Variants in GRM7 observed in about 807,000 individuals in gnomAD.
GRM7 encodes the protein metabotropic glutamate receptor 7.
GRM7 carries 35 observed loss-of-function variants against 84.5 expected under a neutral mutation model. The observed-to-expected ratio is 0.41, with a 90% confidence interval of 0.32 to 0.55. GRM7 has a LOEUF of 0.55. Ranked by LOEUF, GRM7 falls within the 20% of genes least tolerant of loss-of-function variation. The pLI is 0.19. For synonymous variants in GRM7, 487 were observed against 455.1 expected (o/e 1.07, Z -0.89); for missense variants, 1,003 against 1,194.6 (o/e 0.84, Z 2.36).
intron 1 of GRM7, among the ~76,000 whole-genome samples, chr3:7,082,819 T>C (rs530619530): frequency 6.6e-6 from 1 of 152,118 alleles, no homozygotes; most frequent in Admixed American, 6.6e-5. Context: ...AAAAGTGAAC[T>C]GCAGATGTGG....
At chr3:7,450,468 C>T (rs1019491390) in intron 5 of GRM7, among the ~76,000 whole-genome samples, 1 of 152,134 alleles carries the variant, frequency 6.6e-6, no homozygotes, top group Non-Finnish European at 1.5e-5. Flanking sequence ...ACATGAAAAA[C>T]ACATACAGGC....
rs182754366 is a variant in GRM7 at position 7,705,114 on chromosome 3, T to G, written c.2698+24819T>G. On this transcript the variant is annotated intron_variant, in intron 9 of 9. Coordinates refer to ENST00000357716, the MANE Select transcript of GRM7 (RefSeq NM_000844.4). ...TAGAGTATCTCATATACTCTACACA[T>G]TTCTGAAGCCCTGAAGCCCAAAATA... Among the ~76,000 whole-genome samples the G allele has an allele frequency of 3.1e-3, 478 of 152,102 alleles. 7 individuals carry two copies. The highest frequency in any genetic ancestry group is 0.02 in the Middle Eastern group (6 of 294).
chr3:7,516,331 G>A (rs1700380962), intron 7 of GRM7, among the ~76,000 whole-genome samples: 1 of 150,694 alleles, frequency 6.6e-6, no homozygotes, highest in African/African-American at 2.4e-5. Flanking sequence ...CAAAAAATTA[G>A]CCAGGCGTGG....
At position 6,941,663 on chromosome 3, in the gene GRM7, G is replaced by A. The variant is rs962414455; in HGVS notation, c.519+79756G>A. On this transcript the variant is annotated intron_variant, in intron 1 of 9. Coordinates refer to ENST00000357716, the MANE Select transcript of GRM7 (RefSeq NM_000844.4). ...AGTCAAATGGAAATTATTTGGTTTC[G>A]AGTGGTCTTGATGTAGAAATAATAG... Among the ~76,000 whole-genome samples the A allele has an allele frequency of 3.9e-5, 6 of 152,292 alleles. No homozygotes were observed. The South Asian group carries it at 6.2e-4, about 16-fold the overall frequency.
intron 9 of GRM7, among the ~76,000 whole-genome samples, chr3:7,739,492 A>C (rs2106533072): frequency 6.6e-6 from 1 of 152,336 alleles, no homozygotes. Flanking sequence ...ACCAAGATTT[A>C]GTGAATAAAG....
chr3:6,861,611 G>T lies in GRM7; in HGVS notation c.223G>T (p.Gly75Trp). 6.2e-7 allele frequency: 1 copy of T among 1,612,558 alleles called. No individual in the cohort carries two copies. The highest frequency in any genetic ancestry group is 8.5e-7 in the Non-Finnish European group (1 of 1,179,330). Residue 75 changes from glycine (G) to tryptophan (W), a missense_variant, in exon 1 of 10, where the codon GGG becomes TGG. Around this residue, in one of 2 missense-constraint regions of GRM7, gnomAD observed 910 missense variants for 1,126.0 expected, o/e 0.81. Transcript: ENST00000357716. This position sits in a 1 kb window ranked among gnomAD's most constrained non-coding sequence, Gnocchi z 6.4. ...VPCGDIKREN[G>W]IHRLEAMLYA... ...CTGCGGCGACATCAAGAGGGAAAACGGGATCCACAGGCTGGAAGCGATGCT... is the reference window on the plus strand; with the variant it reads ...CTGCGGCGACATCAAGAGGGAAAACTGGATCCACAGGCTGGAAGCGATGCT...
intron 7 of GRM7, among the ~76,000 whole-genome samples, chr3:7,487,307 C>G (rs1410360354): frequency 6.6e-6 from 1 of 152,052 alleles, no homozygotes; most frequent in Admixed American, 6.6e-5. Context: ...CAGACTTAAC[C>G]ATGTAAATAG....
At chr3:7,268,260 G>A (rs201359083) in intron 2 of GRM7, among the ~76,000 whole-genome samples, 2 of 151,502 alleles carry the variant, frequency 1.3e-5, no homozygotes, top group South Asian at 2.1e-4. Context: ...CCAGCACTTC[G>A]GTGGGCCAAG....
chr3:7,160,143 C>G (rs536263540), intron 2 of GRM7, among the ~76,000 whole-genome samples: 1 of 152,062 alleles, frequency 6.6e-6, no homozygotes, highest in Admixed American at 6.6e-5. Flanking sequence ...TTTGGCTGCC[C>G]CATCTCTATG....
intron 1 of GRM7, among the ~76,000 whole-genome samples, chr3:7,011,222 C>A (rs537928919): frequency 2.0e-5 from 3 of 152,034 alleles, no homozygotes; most frequent in Non-Finnish European, 4.4e-5. Flanking sequence ...CAGAATGGTA[C>A]CTGGCACATA....
rs538603455 is a variant in GRM7, at chr3:7,341,402, T to C, written c.1033+34750T>C. Among the ~76,000 whole-genome samples, 10 of 152,124 alleles carry C rather than the reference T, an allele frequency of 6.6e-5. No individual in the cohort carries two copies. The South Asian group carries it at 1.5e-3, about 22-fold the overall frequency. Reference sequence around the variant, plus strand: ...TTTTTTTGTTTATTTAGCAAACATTTATTCAATGTTTGTTGAATAAATGTT... The same window carrying C: ...TTTTTTTGTTTATTTAGCAAACATTCATTCAATGTTTGTTGAATAAATGTT... On this transcript the variant is annotated intron_variant, in intron 4 of 9. Coordinates refer to ENST00000357716, the MANE Select transcript of GRM7 (RefSeq NM_000844.4).
intron 2 of GRM7, among the ~76,000 whole-genome samples, chr3:7,265,538 G>T (rs1433612807): frequency 6.6e-6 from 1 of 152,170 alleles, no homozygotes; most frequent in Admixed American, 6.5e-5. Flanking sequence ...TCATCCAGAG[G>T]TGTTTGGTCC....
chr3:7,669,787 G>A (rs1404241375), intron 8 of GRM7, among the ~76,000 whole-genome samples: 3 of 152,150 alleles, frequency 2.0e-5, no homozygotes, highest in East Asian at 3.9e-4. Context: ...CAGCTCCTAC[G>A]CCTGGCCAGG....
At position 7,406,888 on chromosome 3, in the gene GRM7, T is replaced by C. The variant is rs148226054; in HGVS notation, c.1034-8135T>C. ...ATAGGTTGGCAAGTGCCAATATGTA[T>C]TGCAGTCAAGATTGCACAATTTAGT... is the stretch of plus-strand genomic sequence containing the variant. On this transcript the variant is annotated intron_variant, in intron 4 of 9. Coordinates refer to ENST00000357716, the MANE Select transcript of GRM7 (RefSeq NM_000844.4). Among the ~76,000 whole-genome samples, 251 of 152,314 alleles carry C rather than the reference T, an allele frequency of 1.6e-3. 2 individuals are homozygous for C. Among genetic ancestry groups the C allele is most frequent in the African/African-American group, 5.2e-3 (215 of 41,564 alleles).
At chr3:7,142,857 T>C (rs1168480804) in intron 1 of GRM7, among the ~76,000 whole-genome samples, 2 of 152,184 alleles carry the variant, frequency 1.3e-5, no homozygotes, top group African/African-American at 4.8e-5. Flanking sequence ...TTAAATCCTA[T>C]TTGAAACTCA....
chr3:7,117,996 C>CA (rs1693094145), intron 1 of GRM7, among the ~76,000 whole-genome samples: 1 of 151,976 alleles, frequency 6.6e-6, no homozygotes, highest in African/African-American at 2.4e-5. Context: ...TTATGGAGTA[C>CA]AAAAAACTCC....
chr3:7,184,289 A>T (rs1456138339), intron 2 of GRM7, among the ~76,000 whole-genome samples: 1 of 152,136 alleles, frequency 6.6e-6, no homozygotes, highest in Admixed American at 6.5e-5. Flanking sequence ...TCTTTCCTAG[A>T]CATTGCCCCT....
chr3:7,628,464 CTA>C (rs1041567044), intron 8 of GRM7, among the ~76,000 whole-genome samples: 4 of 152,150 alleles, frequency 2.6e-5, no homozygotes, highest in African/African-American at 9.7e-5. Flanking sequence ...ATATTTAAAA[CTA>C]TTTTGGATGT....
intron 1 of GRM7, among the ~76,000 whole-genome samples, chr3:6,916,525 G>A (rs1268042415): frequency 1.3e-5 from 2 of 152,220 alleles, no homozygotes; most frequent in African/African-American, 2.4e-5. Context: ...TCTAGAGGCT[G>A]GGAAGTCCAC....
Sources: allele counts gnomAD v4.1 joint callset (sites outside exome capture counted in the v4.1 genomes callset), GRCh38; gene constraint gnomAD v4.1.1; regional missense constraint gnomAD v4.1.1; non-coding constraint Gnocchi (gnomAD v3.1); transcripts MANE v1.5; gene names NCBI Gene and HGNC (gene_info 2026-07-23, HGNC 2026-07-21).